Variants in ONECUT1 observed in about 807,000 individuals in gnomAD.
ONECUT1 encodes the protein hepatocyte nuclear factor 6.
In ONECUT1, 12 loss-of-function variants were observed where a neutral mutation model predicts 25.6. That is an observed-to-expected ratio of 0.47 (90% CI 0.30 to 0.76). The LOEUF is 0.76. Ranked by LOEUF, ONECUT1 falls within the 30% of genes least tolerant of loss-of-function variation. ONECUT1 has a pLI of 0.07. For missense variants in ONECUT1, 620 were observed against 651.2 expected, an observed-to-expected ratio of 0.95 and a Z score of 0.52; for synonymous variants, 285 against 270.2, an observed-to-expected ratio of 1.05 and a Z score of -0.54.
chr15:52,780,316 C>T (rs1437888135), intron 1 of ONECUT1, among the ~76,000 whole-genome samples: 2 of 152,194 alleles, frequency 1.3e-5, no homozygotes, highest in African/African-American at 2.4e-5. Flanking sequence ...CAGTTTTCCT[C>T]CTAGCAGTCA....
Position 52,789,630 on chromosome 15 carries a change from G to T in ONECUT1, c.255C>A (p.Pro85=). ...GAGTCTCGCAGGCCATGGTCATGGT[G>T]GGATGCAGGGGGCCGGCCAGGCTGT... ...PEHSLAGPLH[P]TMTMACETPP... Residue 85 remains proline, a synonymous_variant, in exon 1 of 2, where the codon CCC becomes CCA. Coordinates refer to ENST00000305901, the MANE Select transcript of ONECUT1 (RefSeq NM_004498.4). This position sits in a 1 kb window ranked among gnomAD's most constrained non-coding sequence, Gnocchi z 4.1. 1 of 1,557,772 alleles carries T rather than the reference G, an allele frequency of 6.4e-7. No individual in the cohort carries two copies.
intron 1 of ONECUT1, among the ~76,000 whole-genome samples, chr15:52,773,651 G>A (rs1489422295): frequency 6.6e-6 from 1 of 152,114 alleles, no homozygotes; most frequent in Non-Finnish European, 1.5e-5. Flanking sequence ...GCACATTCTA[G>A]GATTGGGGCA....
rs1401664996 is a variant in ONECUT1, at chr15:52,784,114, C to T, written c.1105+4666G>A. ...GGGGGCGCGCGCCGCAGCCGCAGCA[C>T]AGCCCGGCTACCCCCAGAAAGGGAG... On this transcript the variant is annotated intron_variant, in intron 1 of 1. Transcript: ENST00000305901. This position sits in a 1 kb window ranked among gnomAD's most constrained non-coding sequence, Gnocchi z 5.0. Among the ~76,000 whole-genome samples, 1 of 152,220 alleles carries T rather than the reference C, an allele frequency of 6.6e-6. No individual in the cohort carries two copies. The highest frequency in any genetic ancestry group is 6.5e-5 in the Admixed American group (1 of 15,286).
rs74964019 is a variant in ONECUT1, at chr15:52,762,804, G to A, written c.1106-4957C>T. On this transcript the variant is annotated intron_variant, in intron 1 of 1. Coordinates refer to ENST00000305901, the MANE Select transcript of ONECUT1 (RefSeq NM_004498.4). Reference sequence around the variant, plus strand: ...CTGAGAGTCACCGATGACCAGGGGAGGCTAAGTGGAGCAACCCACAGAAAC... The same window carrying A: ...CTGAGAGTCACCGATGACCAGGGGAAGCTAAGTGGAGCAACCCACAGAAAC... Among the ~76,000 whole-genome samples, 130 of 152,314 alleles carry A rather than the reference G, an allele frequency of 8.5e-4. 2 individuals are homozygous for A. Among genetic ancestry groups the A allele is most frequent in the East Asian group, 6.9e-3 (36 of 5,186 alleles).
Position 52,777,737 on chromosome 15 carries a change from C to CACACACACAAAAA in ONECUT1, c.1105+11042_1105+11043insTTTTTGTGTGTGT, listed in dbSNP as rs57187579. ...ACACACACACACACACACACACACA[C>CACACACACAAAAA]AAAAAAACATGTAAAGTTATTTGTT... On this transcript the variant is annotated intron_variant, in intron 1 of 1. Coordinates refer to ENST00000305901, the MANE Select transcript of ONECUT1 (RefSeq NM_004498.4). Among the ~76,000 whole-genome samples, 50 of 103,452 alleles carry CACACACACAAAAA rather than the reference C, an allele frequency of 4.8e-4. 1 individual carries two copies. The highest frequency in any genetic ancestry group is 1.9e-3 in the African/African-American group (44 of 22,586). 67.9% of individuals were successfully genotyped at this position (103,452 alleles called of 152,430 possible). A position where few individuals can be genotyped will look rare whatever the true frequency, so the allele number is the denominator to read the frequency against.
chr15:52,762,629 A>G (rs1313817103), intron 1 of ONECUT1, among the ~76,000 whole-genome samples: 1 of 152,182 alleles, frequency 6.6e-6, no homozygotes, highest in Non-Finnish European at 1.5e-5. Flanking sequence ...GCCTGGTTGT[A>G]AGGGCAGATC....
chr15:52,757,310 G>C lies in ONECUT1; in HGVS notation c.*245C>G. On this transcript the variant is annotated 3_prime_UTR_variant, in exon 2 of 2. Coordinates refer to ENST00000305901, the MANE Select transcript of ONECUT1 (RefSeq NM_004498.4). ...GAGGATGGTCATGGATTGAAGGTGTGAGATCCAGTGGTGTTTTCCTGCTCA... is the reference window on the plus strand; with the variant it reads ...GAGGATGGTCATGGATTGAAGGTGTCAGATCCAGTGGTGTTTTCCTGCTCA... 2.0e-6 allele frequency: 1 copy of C among 495,504 alleles called. No homozygotes were observed. The highest frequency in any genetic ancestry group is 3.8e-5 in the Admixed American group (1 of 26,128). 30.7% of individuals were successfully genotyped at this position (495,504 alleles called of 1,614,324 possible). A position where few individuals can be genotyped will look rare whatever the true frequency, so the allele number is the denominator to read the frequency against.
In ONECUT1 at chr15:52,788,791, A is replaced by G; in HGVS notation, c.1094T>C (p.Leu365Pro). Residue 365 changes from leucine to proline, a missense_variant, in exon 1 of 2, where the codon CTC becomes CCC. This residue lies in a region of ONECUT1 where 146 missense variants were observed against 201.8 expected (regional missense o/e 0.72). Transcript: ENST00000305901. The surrounding 1 kb of genome is among the most constrained non-coding windows in gnomAD (Gnocchi z 4.3). The part of the protein sequence containing the change: ...QEPEFQRMSA[L>P]RLAACKRKEQ... Reference sequence around the variant, plus strand: ...CTTGGCCGGCTCACCTGCTAAGCGGAGCGCGGACATGCGCTGGAACTCCGG... The same window carrying G: ...CTTGGCCGGCTCACCTGCTAAGCGGGGCGCGGACATGCGCTGGAACTCCGG... 1 of 1,610,568 alleles carries G rather than the reference A, an allele frequency of 6.2e-7. No individual in the cohort carries two copies. Among genetic ancestry groups the G allele is most frequent in the South Asian group, 1.1e-5 (1 of 90,866 alleles).
At chr15:52,760,151 C>T (rs933256679) in intron 1 of ONECUT1, among the ~76,000 whole-genome samples, 4 of 152,164 alleles carry the variant, frequency 2.6e-5, no homozygotes, top group Non-Finnish European at 4.4e-5. Flanking sequence ...ACTTGCTATG[C>T]CTCTTGCCCA....
chr15:52,769,255 C>G (rs1048070536), intron 1 of ONECUT1, among the ~76,000 whole-genome samples: 1 of 152,214 alleles, frequency 6.6e-6, no homozygotes, highest in African/African-American at 2.4e-5. Context: ...CTACCCATCT[C>G]TCTCACACAG....
In ONECUT1 at chr15:52,756,849, T is replaced by A. The variant is rs2083676115; in HGVS notation, c.*706A>T. 1 of 152,332 alleles carries A rather than the reference T, an allele frequency of 6.6e-6. No homozygotes were observed. The highest frequency in any genetic ancestry group is 2.4e-5 in the African/African-American group (1 of 41,578). The allele number at this position is 152,332 out of a possible 1,614,324, so 9.4% of individuals were successfully genotyped here. Reference sequence around the variant, plus strand: ...GCAATAAAATACCTGCACTATAATATTAAGTGTGTTCTTTGGTACCTAGGT... The same window carrying A: ...GCAATAAAATACCTGCACTATAATAATAAGTGTGTTCTTTGGTACCTAGGT... On this transcript the variant is annotated 3_prime_UTR_variant, in exon 2 of 2. Transcript: ENST00000305901.
At chr15:52,774,438 C>G (rs997333009) in intron 1 of ONECUT1, among the ~76,000 whole-genome samples, 1 of 152,018 alleles carries the variant, frequency 6.6e-6, no homozygotes, top group African/African-American at 2.4e-5. Flanking sequence ...ATAGCTGGGA[C>G]TACAGGCAAG....
rs1300891748 is a variant in ONECUT1, at chr15:52,755,151, GAC to G, written c.*2402_*2403del. ...ATTGAATTTGGTAAGATTGTGTGTA[GAC>G]ACAGCTTGAATTTCCCTGCATTTAG... is the stretch of plus-strand genomic sequence containing the variant. On this transcript the variant is annotated 3_prime_UTR_variant, in exon 2 of 2. Transcript: ENST00000305901. Among the ~76,000 whole-genome samples, 9 of 152,006 alleles carry G rather than the reference GAC, an allele frequency of 5.9e-5. No homozygotes were observed. The East Asian group carries it at 1.7e-3, about 29-fold the overall frequency.
intron 1 of ONECUT1, among the ~76,000 whole-genome samples, chr15:52,787,492 C>T (rs570162211): frequency 1.3e-5 from 2 of 152,104 alleles, no homozygotes; most frequent in Admixed American, 6.5e-5. Context: ...CGGCTCAGAG[C>T]GGATTGACTG....
Position 52,788,761 on chromosome 15 carries a change from A to T in ONECUT1, c.1105+19T>A. The T allele has an allele frequency of 6.3e-7, 1 of 1,595,330 alleles. No individual in the cohort carries two copies. The highest frequency in any genetic ancestry group is 8.5e-7 in the Non-Finnish European group (1 of 1,170,168). On this transcript the variant is annotated intron_variant, in intron 1 of 1. Coordinates refer to ENST00000305901, the MANE Select transcript of ONECUT1 (RefSeq NM_004498.4). The surrounding 1 kb of genome is among the most constrained non-coding windows in gnomAD (Gnocchi z 4.3). ...CGTGTACCTTATCTCCCGCGCGCCCAGCTCCTTGGCCGGCTCACCTGCTAA... is the reference window on the plus strand; with the variant it reads ...CGTGTACCTTATCTCCCGCGCGCCCTGCTCCTTGGCCGGCTCACCTGCTAA...
At chr15:52,764,519 CTT>C (rs2083723186) in intron 1 of ONECUT1, among the ~76,000 whole-genome samples, 1 of 152,202 alleles carries the variant, frequency 6.6e-6, no homozygotes, top group Admixed American at 6.5e-5. Context: ...CAGAGCTGGG[CTT>C]GAGCTGTGTG....
intron 1 of ONECUT1, among the ~76,000 whole-genome samples, chr15:52,773,044 C>T (rs2141454544): frequency 6.6e-6 from 1 of 152,278 alleles, no homozygotes; most frequent in Non-Finnish European, 1.5e-5. Context: ...GGATTTCTAA[C>T]AAGCTCCCAA....
intron 1 of ONECUT1, among the ~76,000 whole-genome samples, chr15:52,782,582 CA>C (rs1245856764): frequency 1.2e-4 from 18 of 152,276 alleles, no homozygotes; most frequent in African/African-American, 4.1e-4. Context: ...CAAATAGAGA[CA>C]CAATGAGAGT....
At chr15:52,783,907 A>G (rs1356029596) in intron 1 of ONECUT1, among the ~76,000 whole-genome samples, 2 of 152,376 alleles carry the variant, frequency 1.3e-5, no homozygotes, top group East Asian at 3.9e-4. Flanking sequence ...AGGTACCCCG[A>G]CAGACCCTCT....
Sources: gnomAD v4.1 joint callset for allele counts (sites outside exome capture counted in the v4.1 genomes callset) on GRCh38, gnomAD v4.1.1 for gene constraint, gnomAD v4.1.1 regional missense constraint, Gnocchi (gnomAD v3.1) non-coding constraint, MANE v1.5 for transcripts, NCBI Gene and HGNC (gene_info 2026-07-23, HGNC 2026-07-21) for gene names.